PRIM2: variants seen among roughly 807,000 people sequenced by gnomAD.
PRIM2 encodes the protein DNA primase subunit 2.
A neutral mutation model predicts 67.3 loss-of-function variants in PRIM2; 39 were observed. The observed-to-expected ratio is 0.58, with a 90% CI of 0.45 to 0.76. The LOEUF is 0.76. PRIM2 is among the 30% of genes least tolerant of loss of function. PRIM2 has a pLI of 0.00. For missense variants in PRIM2, 398 were observed against 598.7 expected (o/e 0.66, Z 3.50); for synonymous variants, 143 against 198.7 (o/e 0.72, Z 2.36).
chr6:57,519,841 A>G (rs1409975474), intron 8 of PRIM2, among the ~76,000 whole-genome samples: 1 of 152,220 alleles, frequency 6.6e-6, no homozygotes, highest in East Asian at 1.9e-4. Flanking sequence ...AAGAAATTAT[A>G]AAAGTATTAA....
At chr6:57,456,693 T>G (rs1306688501) in intron 7 of PRIM2, among the ~76,000 whole-genome samples, 1 of 152,186 alleles carries the variant, frequency 6.6e-6, no homozygotes, top group Non-Finnish European at 1.5e-5. Flanking sequence ...TCGTCTAGTT[T>G]TTTTTTTCAA....
chr6:57,477,178 G>C (rs1430885430), intron 7 of PRIM2, among the ~76,000 whole-genome samples: 2 of 151,890 alleles, frequency 1.3e-5, no homozygotes, highest in African/African-American at 4.8e-5. Flanking sequence ...TTGTTTTATA[G>C]AAACAGAGTC....
chr6:57,508,491 G>A (rs1774295467), intron 8 of PRIM2, among the ~76,000 whole-genome samples: 1 of 152,050 alleles, frequency 6.6e-6, no homozygotes. Flanking sequence ...AATGCTATAT[G>A]TTAACCTTTA....
At chr6:57,327,802 C>T (rs948713101) in intron 5 of PRIM2, among the ~76,000 whole-genome samples, 1 of 152,102 alleles carries the variant, frequency 6.6e-6, no homozygotes, top group African/African-American at 2.4e-5. Flanking sequence ...TATTCTAGGG[C>T]AGCCATCTCC....
chr6:57,321,651 T>G (rs1452034418), intron 3 of PRIM2, among the ~76,000 whole-genome samples: 1 of 152,178 alleles, frequency 6.6e-6, no homozygotes, highest in Non-Finnish European at 1.5e-5. Context: ...TCAATAATAA[T>G]GATCATGATA....
chr6:57,426,249 A>G (rs1771620944), intron 7 of PRIM2, among the ~76,000 whole-genome samples: 2 of 152,030 alleles, frequency 1.3e-5, no homozygotes, highest in African/African-American at 2.4e-5. Flanking sequence ...TTCATCTCAA[A>G]CTCTCCGTCC....
chr6:57,458,853 T>C (rs1269920312), intron 7 of PRIM2, among the ~76,000 whole-genome samples: 3 of 152,224 alleles, frequency 2.0e-5, no homozygotes, highest in Non-Finnish European at 4.4e-5. Context: ...GGAGGAATTA[T>C]GTATTTGTAG....
intron 13 of PRIM2, among the ~76,000 whole-genome samples, chr6:57,638,317 C>G (rs1258075857): frequency 6.6e-6 from 1 of 151,976 alleles, no homozygotes; most frequent in African/African-American, 2.4e-5. Context: ...TAAAGACTGT[C>G]GACACTATAA....
chr6:57,231,731 G>C, the PRIM2 span, among the ~76,000 whole-genome samples: 1 of 152,094 alleles, frequency 6.6e-6, no homozygotes, highest in Non-Finnish European at 1.5e-5. Flanking sequence ...AACCCTTTTA[G>C]AGAGCAATTT....
the PRIM2 span, among the ~76,000 whole-genome samples, chr6:57,230,530 A>G: frequency 6.6e-6 from 1 of 152,184 alleles, no homozygotes; most frequent in Non-Finnish European, 1.5e-5. Context: ...GGGAGGGTTG[A>G]TATCAGTTCA....
intron 7 of PRIM2, among the ~76,000 whole-genome samples, chr6:57,488,498 A>G (rs1371225042): frequency 8.5e-5 from 13 of 152,246 alleles, no homozygotes; most frequent in Admixed American, 8.5e-4. Context: ...TAGAATGTAG[A>G]TTAAGTAGTC....
At chr6:57,265,011 A>G in the PRIM2 span, among the ~76,000 whole-genome samples, 2 of 152,324 alleles carry the variant, frequency 1.3e-5, no homozygotes, top group Admixed American at 6.5e-5. Context: ...ATAGTAGTAC[A>G]TGTTCTACCT....
chr6:57,422,426 C>A (rs1268839171), intron 7 of PRIM2, among the ~76,000 whole-genome samples: 1 of 152,026 alleles, frequency 6.6e-6, no homozygotes, highest in Non-Finnish European at 1.5e-5. Flanking sequence ...TGTGAGCCAT[C>A]ATGCTCAGCT....
At chr6:57,287,314 T>G in the PRIM2 span, among the ~76,000 whole-genome samples, 1 of 152,220 alleles carries the variant, frequency 6.6e-6, no homozygotes, top group Non-Finnish European at 1.5e-5. Context: ...CACACGTATG[T>G]TTATTGTAGC....
chr6:57,467,236 C>A lies in PRIM2; in HGVS notation c.694-40151C>A, dbSNP rs1310436495. Reference sequence around the variant, plus strand: ...TCCTGAATGGTATTGCCTAGGTTTTCTTCTAGGGTTTTATGGTTTTAGGTC... The same window carrying A: ...TCCTGAATGGTATTGCCTAGGTTTTATTCTAGGGTTTTATGGTTTTAGGTC... On this transcript the variant is annotated intron_variant, in intron 7 of 13. Transcript: ENST00000615550. 2.9e-4 allele frequency among the ~76,000 whole-genome samples: 43 copies of A among 150,488 alleles called. 1 individual carries two copies. Among genetic ancestry groups the A allele is most frequent in the African/African-American group, 1.0e-3 (41 of 40,984 alleles).
chr6:57,446,175 C>T (rs571248598), intron 7 of PRIM2, among the ~76,000 whole-genome samples: 1 of 152,186 alleles, frequency 6.6e-6, no homozygotes, highest in East Asian at 1.9e-4. Flanking sequence ...TCTGAAAAGA[C>T]GTCTTGTAAA....
chr6:57,455,737 TC>T (rs1484324204), intron 7 of PRIM2, among the ~76,000 whole-genome samples: 3 of 152,238 alleles, frequency 2.0e-5, no homozygotes, highest in Non-Finnish European at 2.9e-5. Flanking sequence ...TGACTCTTTA[TC>T]CAATTTGCCA....
At chr6:57,340,627 A>G (rs1267790352) in intron 5 of PRIM2, among the ~76,000 whole-genome samples, 1 of 151,910 alleles carries the variant, frequency 6.6e-6, no homozygotes, top group Non-Finnish European at 1.5e-5. Context: ...AACACCACAT[A>G]TTCTCACTCA....
At chr6:57,228,275 G>A in the PRIM2 span, among the ~76,000 whole-genome samples, 1 of 152,168 alleles carries the variant, frequency 6.6e-6, no homozygotes, top group Non-Finnish European at 1.5e-5. Flanking sequence ...TAACATTGTT[G>A]TAGAGCTTCC....
Sources: allele counts gnomAD v4.1 joint callset (sites outside exome capture counted in the v4.1 genomes callset), GRCh38; gene constraint gnomAD v4.1.1; transcripts MANE v1.5; gene names NCBI Gene and HGNC (gene_info 2026-07-23, HGNC 2026-07-21).